The following KIAA1549L variants were observed in gnomAD, a reference collection of about 807,000 sequenced individuals.
KIAA1549L encodes the protein UPF0606 protein KIAA1549L.
A neutral mutation model predicts 160.7 loss-of-function variants in KIAA1549L; 88 were observed. The ratio of observed to expected loss-of-function variants is 0.55; its 90% CI spans 0.46 to 0.65. The LOEUF (loss-of-function observed/expected upper bound fraction) is 0.65, where lower values mean the gene tolerates loss of function less well. Among genes scored for constraint, KIAA1549L ranks in the 30% least tolerant of loss-of-function variants. The pLI, the probability that KIAA1549L is intolerant of heterozygous loss-of-function variation, is 0.00. For missense variants in KIAA1549L, 2,258 were observed against 2,437.5 expected (o/e 0.93, Z 1.55); for synonymous variants, 950 against 976.7 (o/e 0.97, Z 0.51).
At chr11:33,387,292 TTCTC>T (rs1850192002) in intron 1 of KIAA1549L, among the ~76,000 whole-genome samples, 1 of 152,058 alleles carries the variant, frequency 6.6e-6, no homozygotes, top group Admixed American at 6.5e-5. Flanking sequence ...CATTTTCTCA[TTCTC>T]TCTCTCTTTA....
Position 33,544,991 on chromosome 11 carries a change from G to A in KIAA1549L, c.2998G>A (p.Val1000Ile). 2 of 1,614,008 alleles carry A rather than the reference G, an allele frequency of 1.2e-6. No homozygotes were observed. Among genetic ancestry groups the A allele is most frequent in the East Asian group, 2.2e-5 (1 of 44,872 alleles). The change falls in exon 3 of 21, where the codon GTC becomes ATC. Residue 1000 changes from valine (V) to isoleucine (I), a missense_variant. Physicochemically the swap from Val to Ile is conservative, Grantham distance 29. Transcript: ENST00000658780. The part of the protein sequence containing the change: ...ASGPKRTPGA[V>I]HTAFPFTPTY... ...TGGCCCAAAGAGGACACCAGGGGCA[G>A]TCCATACAGCCTTCCCATTCACACC...
chr11:33,576,514 G>A (rs777269114), intron 10 of KIAA1549L, among the ~76,000 whole-genome samples: 2 of 152,158 alleles, frequency 1.3e-5, no homozygotes, highest in Non-Finnish European at 2.9e-5. Context: ...GGACTCCAGA[G>A]TTTTCTGTTC....
At chr11:33,487,719 T>TC (rs1355337363) in intron 1 of KIAA1549L, among the ~76,000 whole-genome samples, 1 of 152,152 alleles carries the variant, frequency 6.6e-6, no homozygotes. Flanking sequence ...ATCAGTATTT[T>TC]CCGGAAGTTT....
intron 1 of KIAA1549L, among the ~76,000 whole-genome samples, chr11:33,453,998 G>C (rs528859520): frequency 6.6e-6 from 1 of 152,168 alleles, no homozygotes; most frequent in Admixed American, 6.5e-5. Context: ...TTGCCAAAGT[G>C]TTTATATGCT....
At chr11:33,581,941 TAAAA>T (rs909641042) in intron 10 of KIAA1549L, among the ~76,000 whole-genome samples, 1 of 151,888 alleles carries the variant, frequency 6.6e-6, no homozygotes, top group South Asian at 2.1e-4. Flanking sequence ...TTCTTGCTAA[TAAAA>T]AAAAGCATGT....
chr11:33,568,278 G>A lies in KIAA1549L; in HGVS notation c.4230+51G>A, dbSNP rs544146868. 6 of 1,539,200 alleles carry A rather than the reference G, an allele frequency of 3.9e-6. No individual in the cohort carries two copies. The African/African-American group carries it at 6.9e-5, about 18-fold the overall frequency. ...TTTTCTAATAACTGGGGGTAGAGGG[G>A]GGGATGTGCTTCCTGAGACTAAATA... is the stretch of plus-strand genomic sequence containing the variant. On this transcript the variant is annotated intron_variant, in intron 9 of 20. Transcript: ENST00000658780.
At chr11:33,521,512 T>G (rs902969283) in intron 1 of KIAA1549L, among the ~76,000 whole-genome samples, 2 of 152,222 alleles carry the variant, frequency 1.3e-5, no homozygotes, top group African/African-American at 4.8e-5. Context: ...CTGTAGGAAG[T>G]ATTCAGGAAG....
intron 8 of KIAA1549L, among the ~76,000 whole-genome samples, chr11:33,565,865 A>G (rs1855031380): frequency 6.6e-6 from 1 of 151,964 alleles, no homozygotes; most frequent in Non-Finnish European, 1.5e-5. Context: ...AAAAACAAAA[A>G]ATAGCCAGTG....
chr11:33,394,267 T>G (rs549547411), intron 1 of KIAA1549L, among the ~76,000 whole-genome samples: 12 of 152,024 alleles, frequency 7.9e-5, no homozygotes, highest in Non-Finnish European at 1.3e-4. Flanking sequence ...GCACCTATAG[T>G]CCTAGCTACT....
At chr11:33,495,070 T>C (rs555221783) in intron 1 of KIAA1549L, among the ~76,000 whole-genome samples, 1 of 152,214 alleles carries the variant, frequency 6.6e-6, no homozygotes, top group South Asian at 2.1e-4. Context: ...GAAGTTAGAA[T>C]GGCATTTGCT....
At chr11:33,520,722 C>A (rs571339049) in intron 1 of KIAA1549L, among the ~76,000 whole-genome samples, 2 of 150,060 alleles carry the variant, frequency 1.3e-5, no homozygotes, top group South Asian at 4.4e-4. Context: ...CACACACACA[C>A]ACACACACAC....
intron 17 of KIAA1549L, among the ~76,000 whole-genome samples, chr11:33,651,588 G>T (rs907413155): frequency 6.6e-6 from 1 of 152,012 alleles, no homozygotes; most frequent in Non-Finnish European, 1.5e-5. Context: ...AATTCTTTGG[G>T]ACCCCTTTAC....
At chr11:33,405,510 C>CT (rs60127936) in intron 1 of KIAA1549L, among the ~76,000 whole-genome samples, 58,841 of 138,548 alleles carry the variant, frequency 0.42, 13,794 homozygotes, top group Non-Finnish European at 0.53. Context: ...TTTCCCTACA[C>CT]TTTTTTTTTT....
Position 33,609,808 on chromosome 11 carries a change from C to T in KIAA1549L, c.5121C>T (p.Leu1707=). 1 of 1,613,756 alleles carries T rather than the reference C, an allele frequency of 6.2e-7. No homozygotes were observed. The highest frequency in any genetic ancestry group is 8.5e-7 in the Non-Finnish European group (1 of 1,179,794). Residue 1707 remains leucine (L), a synonymous_variant, in exon 15 of 21, where the codon CTC becomes CTT. Coordinates refer to ENST00000658780, the MANE Select transcript of KIAA1549L (RefSeq NM_012194.3). ...DIEHYRNKLR[L]KAKRKGYYDF... ...AGCACTATCGGAACAAGCTGCGCCTCAAAGCCAAGAGGAAGGGATATTACG... is the reference window on the plus strand; with the variant it reads ...AGCACTATCGGAACAAGCTGCGCCTTAAAGCCAAGAGGAAGGGATATTACG...
intron 16 of KIAA1549L, among the ~76,000 whole-genome samples, chr11:33,634,451 A>G (rs1851386387): frequency 6.6e-6 from 1 of 152,214 alleles, no homozygotes; most frequent in South Asian, 2.1e-4. Context: ...GTACAAGGCC[A>G]CACTTCCAGA....
intron 1 of KIAA1549L, among the ~76,000 whole-genome samples, chr11:33,386,460 C>A (rs898997774): frequency 2.6e-5 from 4 of 151,936 alleles, no homozygotes; most frequent in Non-Finnish European, 4.4e-5. Context: ...GCAGGAGGAT[C>A]ACCTAATGTC....
At chr11:33,633,992 G>T (rs1026346524) in intron 16 of KIAA1549L, among the ~76,000 whole-genome samples, 2 of 152,118 alleles carry the variant, frequency 1.3e-5, no homozygotes, top group African/African-American at 4.8e-5. Context: ...GGGAGAGGGC[G>T]ATACTCCCCT....
chr11:33,385,527 C>T (rs559478262), intron 1 of KIAA1549L, among the ~76,000 whole-genome samples: 8 of 152,148 alleles, frequency 5.3e-5, no homozygotes, highest in Non-Finnish European at 8.8e-5. Context: ...TAAAATTGAC[C>T]GTGATTGAGT....
At chr11:33,643,831 G>C (rs1380530236) in intron 16 of KIAA1549L, among the ~76,000 whole-genome samples, 2 of 152,200 alleles carry the variant, frequency 1.3e-5, no homozygotes, top group African/African-American at 2.4e-5. Flanking sequence ...TGTGAAGAAC[G>C]TAACTTTCAA....
Sources: allele counts gnomAD v4.1 joint callset (sites outside exome capture counted in the v4.1 genomes callset), GRCh38; gene constraint gnomAD v4.1.1; transcripts MANE v1.5; gene names NCBI Gene and HGNC (gene_info 2026-07-23, HGNC 2026-07-21).